Variants in CNGB3 observed in about 807,000 individuals in gnomAD.
The protein encoded by CNGB3 is cyclic nucleotide gated channel subunit beta 3, also known as cyclic nucleotide-gated channel beta-3.
Under a neutral mutation model 92.8 loss-of-function variants are expected in CNGB3, and 86 were observed. That is an observed-to-expected ratio of 0.93 (90% CI 0.78 to 1.11). The LOEUF (loss-of-function observed/expected upper bound fraction) is 1.11. CNGB3 is among the 50% of genes least tolerant of loss of function. The pLI, the probability that CNGB3 is intolerant of heterozygous loss-of-function variation, is 0.00. For missense variants in CNGB3, 1,026 were observed against 956.8 expected, an observed-to-expected ratio of 1.07 and a Z score of -0.95; for synonymous variants, 333 against 332.7, an observed-to-expected ratio of 1.00 and a Z score of -0.01.
At chr8:86,709,780 T>A (rs375283001) in intron 3 of CNGB3, among the ~76,000 whole-genome samples, 5 of 152,146 alleles carry the variant, frequency 3.3e-5, no homozygotes, top group African/African-American at 1.2e-4. Flanking sequence ...ACAGCCATAT[T>A]TGAAAAAAAT....
chr8:86,661,244 A>T, intron 6 of CNGB3: 1 of 316,660 alleles, frequency 3.2e-6, no homozygotes, highest in South Asian at 3.5e-5. Context: ...TCTGAAGATC[A>T]TTGTGCAAAA....
chr8:86,587,665 T>C (rs1821928269), intron 15 of CNGB3, among the ~76,000 whole-genome samples: 1 of 151,558 alleles, frequency 6.6e-6, no homozygotes, highest in African/African-American at 2.4e-5. Context: ...CGGCGTTATT[T>C]CTGAGGGCTC....
chr8:86,665,543 A>G (rs1015144620), intron 6 of CNGB3, among the ~76,000 whole-genome samples: 3 of 152,192 alleles, frequency 2.0e-5, no homozygotes, highest in African/African-American at 7.2e-5. Flanking sequence ...GTGGGACTGA[A>G]TAAAGAGAAT....
At chr8:86,596,447 GTTATTC>G (rs1463242084) in intron 15 of CNGB3, among the ~76,000 whole-genome samples, 5 of 152,146 alleles carry the variant, frequency 3.3e-5, no homozygotes, top group South Asian at 2.1e-4. Flanking sequence ...ATATAGCAGT[GTTATTC>G]TTATAATGAA....
Position 86,736,140 on chromosome 8 carries a change from A to G in CNGB3, c.211+3515T>C, listed in dbSNP as rs75590518. ...AATGAAACCATGTTCTGCAGAAGATAAGAGTTCTATAATCAGAAATCAACA... is the reference window on the plus strand; with the variant it reads ...AATGAAACCATGTTCTGCAGAAGATGAGAGTTCTATAATCAGAAATCAACA... On this transcript the variant is annotated intron_variant, in intron 2 of 17. Transcript: ENST00000320005. Among the ~76,000 whole-genome samples, 349 of 152,334 alleles carry G rather than the reference A, an allele frequency of 2.3e-3. 1 individual carries two copies. The highest frequency in any genetic ancestry group is 3.9e-3 in the Non-Finnish European group (264 of 68,010).
At chr8:86,649,754 C>T (rs112773452) in intron 7 of CNGB3, among the ~76,000 whole-genome samples, 3 of 151,740 alleles carry the variant, frequency 2.0e-5, no homozygotes, top group African/African-American at 7.2e-5. Context: ...GAATTTATGA[C>T]TAAAGCCCCA....
chr8:86,669,653 T>C (rs1339980710), intron 4 of CNGB3, among the ~76,000 whole-genome samples: 1 of 152,204 alleles, frequency 6.6e-6, no homozygotes, highest in African/African-American at 2.4e-5. Context: ...GAAACTGTTA[T>C]ACAATACACA....
intron 7 of CNGB3, among the ~76,000 whole-genome samples, chr8:86,649,012 T>C (rs1232613222): frequency 1.6e-4 from 24 of 151,138 alleles, no homozygotes; most frequent in Non-Finnish European, 5.9e-5. Flanking sequence ...CCAATACACA[T>C]ACAAAAATGA....
intron 13 of CNGB3, among the ~76,000 whole-genome samples, chr8:86,614,904 G>A (rs1370628690): frequency 6.6e-6 from 1 of 152,142 alleles, no homozygotes; most frequent in Non-Finnish European, 1.5e-5. Flanking sequence ...GACCAAATGA[G>A]AGGAAATCCT....
chr8:86,657,538 C>T (rs1184903966), intron 6 of CNGB3: 1 of 485,900 alleles, frequency 2.1e-6, no homozygotes, highest in African/African-American at 2.0e-5. Flanking sequence ...GAGAACCCTC[C>T]CTGGCCTCTT....
rs747212057 is a variant in CNGB3, at chr8:86,666,930, T to C, written c.847A>G (p.Ile283Val). The C allele has an allele frequency of 5.0e-6, 8 of 1,611,836 alleles. No homozygotes were observed. The highest frequency in any genetic ancestry group is 6.8e-6 in the Non-Finnish European group (8 of 1,179,372). Residue 283 changes from isoleucine (I) to valine (V), a missense_variant, in exon 6 of 18, where the codon ATA becomes GTA. Transcript: ENST00000320005. The stretch of plus-strand genomic sequence containing the variant: ...CTTTCCCGAACCCCACTTACTATTA[T>C]GTCTCCTCCTCTTACAAACTGGAGT... ...PRLQFVRGGDIIVDSNELRKH... is the reference protein window; with the variant it reads ...PRLQFVRGGDVIVDSNELRKH...
At chr8:86,674,989 T>C (rs1823937890) in intron 3 of CNGB3, among the ~76,000 whole-genome samples, 1 of 151,948 alleles carries the variant, frequency 6.6e-6, no homozygotes, top group African/African-American at 2.4e-5. Flanking sequence ...GACAGGGTCT[T>C]GCTCTGTCAC....
At chr8:86,599,040 G>A (rs1226747297) in intron 15 of CNGB3, among the ~76,000 whole-genome samples, 2 of 152,132 alleles carry the variant, frequency 1.3e-5, no homozygotes, top group African/African-American at 2.4e-5. Context: ...ATCATTTGAG[G>A]ACCAGTGAAG....
At chr8:86,709,215 C>G (rs1271360368) in intron 3 of CNGB3, among the ~76,000 whole-genome samples, 1 of 152,110 alleles carries the variant, frequency 6.6e-6, no homozygotes, top group African/African-American at 2.4e-5. Flanking sequence ...TTGGTTCATT[C>G]ATTGTTATAG....
chr8:86,705,047 A>G (rs1824627368), intron 3 of CNGB3, among the ~76,000 whole-genome samples: 2 of 152,272 alleles, frequency 1.3e-5, no homozygotes, highest in Middle Eastern at 3.4e-3. Flanking sequence ...GTAAATTAGC[A>G]TGTCTAAGCA....
At chr8:86,600,205 T>A (rs927928609) in intron 15 of CNGB3, among the ~76,000 whole-genome samples, 4 of 152,192 alleles carry the variant, frequency 2.6e-5, no homozygotes, top group African/African-American at 9.7e-5. Flanking sequence ...GATGCACTGG[T>A]CCTTGTGAAA....
chr8:86,629,970 C>T lies in CNGB3; in HGVS notation c.1321-892G>A, dbSNP rs377665372. 1.8e-4 allele frequency among the ~76,000 whole-genome samples: 28 copies of T among 152,070 alleles called. No homozygotes were observed. In the East Asian group the frequency reaches 4.1e-3, roughly 22 times the overall value. ...ACTTTCACACTCCTAAGACTTTGCTCATTCATTTTAGTAGCTTTTGAGCCT... is the reference window on the plus strand; with the variant it reads ...ACTTTCACACTCCTAAGACTTTGCTTATTCATTTTAGTAGCTTTTGAGCCT... On this transcript the variant is annotated intron_variant, in intron 11 of 17. Coordinates refer to ENST00000320005, the MANE Select transcript of CNGB3 (RefSeq NM_019098.5).
chr8:86,668,262 C>G, intron 4 of CNGB3, 94 bp from the exon 5 acceptor site: 1 of 1,230,090 alleles, frequency 8.1e-7, no homozygotes, highest in South Asian at 1.2e-5. Flanking sequence ...CGCATGTTCT[C>G]ACTCATAAGT....
At chr8:86,635,566 T>C (rs1823045391) in intron 10 of CNGB3, among the ~76,000 whole-genome samples, 1 of 151,942 alleles carries the variant, frequency 6.6e-6, no homozygotes, top group African/African-American at 2.4e-5. Flanking sequence ...TCTGCCCTGA[T>C]GCTTTGAGAT....
Sources: gnomAD v4.1 joint callset for allele counts (sites outside exome capture counted in the v4.1 genomes callset) on GRCh38, gnomAD v4.1.1 for gene constraint, MANE v1.5 for transcripts, NCBI Gene and HGNC (gene_info 2026-07-23, HGNC 2026-07-21) for gene names.